UBR1: variants seen among roughly 807,000 people sequenced by gnomAD.
UBR1 encodes ubiquitin protein ligase E3 component n-recognin 1.
In UBR1, 102 loss-of-function variants were observed where a neutral mutation model predicts 242.1. That is an observed-to-expected ratio of 0.42 (90% CI 0.36 to 0.50). UBR1 has a LOEUF of 0.50. UBR1 is among the 20% of genes least tolerant of loss of function. UBR1 has a pLI of 0.01. For missense variants in UBR1, 1,772 were observed against 2,101.8 expected (o/e 0.84, Z 3.07); for synonymous variants, 675 against 684.8 (o/e 0.99, Z 0.22).
At chr15:42,947,446 G>C (rs1016151236) in intron 46 of UBR1, among the ~76,000 whole-genome samples, 5 of 151,992 alleles carry the variant, frequency 3.3e-5, no homozygotes, top group African/African-American at 9.7e-5. Flanking sequence ...CAATTAGGCA[G>C]GAGAAGGAAA....
chr15:43,003,380 G>C, intron 31 of UBR1: 1 of 209,928 alleles, frequency 4.8e-6, no homozygotes, highest in Non-Finnish European at 9.6e-6. Flanking sequence ...CTCAGCCTCC[G>C]GAGGAGCTGG....
chr15:43,026,316 C>T, intron 23 of UBR1: 1 of 418,862 alleles, frequency 2.4e-6, no homozygotes, highest in Non-Finnish European at 4.3e-6. Context: ...TGATGAAGTC[C>T]ATGATGCTTG....
Position 43,060,124 on chromosome 15 carries a change from G to C in UBR1, c.799-10C>G. On this transcript the variant is annotated splice_polypyrimidine_tract_variant and intron_variant, in intron 6 of 46. Coordinates refer to ENST00000290650, the MANE Select transcript of UBR1 (RefSeq NM_174916.3). ...TAACAGCCCGACGACCCTAATTATA[G>C]ACAAAAGTGAGAATTAGGTAGTGAA... The C allele has an allele frequency of 6.2e-7, 1 of 1,613,536 alleles. No homozygotes were observed. The highest frequency in any genetic ancestry group is 1.1e-5 in the South Asian group (1 of 91,054).
In UBR1 at chr15:43,032,606, AGTGTATTATATT is replaced by A; in HGVS notation, c.2204_2215del (p.Gln735_Thr738del). The A allele has an allele frequency of 6.5e-7, 1 of 1,537,148 alleles. No homozygotes were observed. The highest frequency in any genetic ancestry group is 1.1e-5 in the South Asian group (1 of 88,810). ...GAGGACCTGAAGCATTTCTTCTATT[AGTGTATTATATT>A]GTTTAATCAAATCCTATAGAATCGA... On this transcript the variant is annotated inframe_deletion, in exon 20 of 47. Coordinates refer to ENST00000290650, the MANE Select transcript of UBR1 (RefSeq NM_174916.3).
chr15:42,993,852 G>C (rs1158822512), intron 33 of UBR1, among the ~76,000 whole-genome samples: 4 of 151,556 alleles, frequency 2.6e-5, no homozygotes, highest in Admixed American at 6.6e-5. Flanking sequence ...AAAAAAAAAG[G>C]CTGTAATGAC....
intron 6 of UBR1, among the ~76,000 whole-genome samples, chr15:43,065,523 G>A (rs2033741498): frequency 6.6e-6 from 1 of 151,916 alleles, no homozygotes; most frequent in South Asian, 2.1e-4. Flanking sequence ...CCACACCCCC[G>A]ACAGGCCCCA....
chr15:43,007,403 ATAT>A, intron 29 of UBR1, 119 bp from the exon 30 acceptor site: 2 of 904,968 alleles, frequency 2.2e-6, no homozygotes, highest in Non-Finnish European at 3.4e-6. Flanking sequence ...AATAAAAATG[ATAT>A]TTAGCAATAT....
chr15:43,038,240 TAAAAA>T lies in UBR1; in HGVS notation c.1850-13_1850-9del. ...TTAAACGTACATGAAGACCTAAAGT[TAAAAA>T]AACGAGAGAGAAAATGAGAAAACAA... is the stretch of plus-strand genomic sequence containing the variant. On this transcript the variant is annotated splice_polypyrimidine_tract_variant and intron_variant, in intron 15 of 46. Transcript: ENST00000290650. 6.2e-7 allele frequency: 1 copy of T among 1,613,738 alleles called. No homozygotes were observed. Among genetic ancestry groups the T allele is most frequent in the Non-Finnish European group, 8.5e-7 (1 of 1,179,822 alleles).
chr15:42,993,464 T>G (rs1234195564), intron 33 of UBR1, among the ~76,000 whole-genome samples: 1 of 151,810 alleles, frequency 6.6e-6, no homozygotes, highest in East Asian at 1.9e-4. Flanking sequence ...CCCCGGTTCA[T>G]GCCTCAGATT....
chr15:43,014,931 G>C (rs1208787108), intron 29 of UBR1, among the ~76,000 whole-genome samples: 1 of 149,826 alleles, frequency 6.7e-6, no homozygotes, highest in Non-Finnish European at 1.5e-5. Flanking sequence ...GGGAGGTGTG[G>C]GTCAGCCCCC....
Position 42,945,131 on chromosome 15 carries a change from G to A in UBR1, c.*198C>T. ...TAGCACATAAAACAGATTGATCTAT[G>A]TCCTTTTTTCCTGTGAAGCATATGT... is the stretch of plus-strand genomic sequence containing the variant. On this transcript the variant is annotated 3_prime_UTR_variant, in exon 47 of 47. Coordinates refer to ENST00000290650, the MANE Select transcript of UBR1 (RefSeq NM_174916.3). 1.5e-6 allele frequency: 1 copy of A among 656,702 alleles called. No individual in the cohort carries two copies. The highest frequency in any genetic ancestry group is 2.6e-6 in the Non-Finnish European group (1 of 385,356). 40.7% of individuals were successfully genotyped at this position (656,702 alleles called of 1,614,324 possible). A position where few individuals can be genotyped will look rare whatever the true frequency, so the allele number is the denominator to read the frequency against.
At position 42,944,455 on chromosome 15, in the gene UBR1, G is replaced by A. The variant is rs1346917680; in HGVS notation, c.*874C>T. The A allele has an allele frequency of 6.6e-6, 1 of 152,216 alleles. No individual in the cohort carries two copies. Among genetic ancestry groups the A allele is most frequent in the Admixed American group, 6.6e-5 (1 of 15,266 alleles). The allele number at this position is 152,216 out of a possible 1,614,324, so 9.4% of individuals were successfully genotyped here. On this transcript the variant is annotated 3_prime_UTR_variant, in exon 47 of 47. Transcript: ENST00000290650. ...AATCTGATTGTTCTAATTTACAGTTGTCATGATCCACTCATTGCGAGAATT... is the reference window on the plus strand; with the variant it reads ...AATCTGATTGTTCTAATTTACAGTTATCATGATCCACTCATTGCGAGAATT...
intron 44 of UBR1, among the ~76,000 whole-genome samples, chr15:42,955,814 G>A (rs1286858902): frequency 1.3e-5 from 2 of 152,110 alleles, no homozygotes; most frequent in Non-Finnish European, 2.9e-5. Flanking sequence ...AGCATAATAA[G>A]ATACAAAATT....
intron 46 of UBR1, 53 bp from the exon 47 acceptor site, chr15:42,945,523 C>A: frequency 6.2e-7 from 1 of 1,602,980 alleles, no homozygotes; most frequent in Non-Finnish European, 8.5e-7. Flanking sequence ...GTAACTGCCA[C>A]ATCTTTATTG....
At chr15:42,964,702 T>G (rs1238849852) in intron 41 of UBR1, among the ~76,000 whole-genome samples, 1 of 152,192 alleles carries the variant, frequency 6.6e-6, no homozygotes, top group Non-Finnish European at 1.5e-5. Context: ...ACCCTCCCCC[T>G]TAGGCTTCAG....
chr15:42,955,746 C>T (rs539964747), intron 44 of UBR1, among the ~76,000 whole-genome samples: 2 of 152,318 alleles, frequency 1.3e-5, no homozygotes, highest in South Asian at 4.1e-4. Flanking sequence ...TGACATCTCA[C>T]TGGTGGTGGT....
At chr15:42,982,921 T>C (rs1212775672) in intron 37 of UBR1, among the ~76,000 whole-genome samples, 3 of 152,152 alleles carry the variant, frequency 2.0e-5, no homozygotes, top group African/African-American at 7.2e-5. Flanking sequence ...GCCTGGTCTG[T>C]TTGGGTGCAG....
intron 19 of UBR1, among the ~76,000 whole-genome samples, chr15:43,034,332 T>A (rs2033301718): frequency 6.6e-6 from 1 of 151,846 alleles, no homozygotes; most frequent in East Asian, 1.9e-4. Context: ...GGCCCAGCTA[T>A]GCAGGAAGCT....
At chr15:42,974,300 G>T (rs1178039076) in intron 39 of UBR1, among the ~76,000 whole-genome samples, 1 of 152,102 alleles carries the variant, frequency 6.6e-6, no homozygotes, top group Non-Finnish European at 1.5e-5. Flanking sequence ...ATTGGACATG[G>T]GTGTCTACTT....
Sources: allele counts gnomAD v4.1 joint callset (sites outside exome capture counted in the v4.1 genomes callset), GRCh38; gene constraint gnomAD v4.1.1; transcripts MANE v1.5; gene names NCBI Gene and HGNC (gene_info 2026-07-23, HGNC 2026-07-21).